The following RPF2 variants were observed in gnomAD, a reference collection of about 807,000 sequenced individuals.
RPF2 encodes ribosome production factor 2 homolog.
Under a neutral mutation model 38.9 loss-of-function variants are expected in RPF2, and 21 were observed. The ratio of observed to expected loss-of-function variants is 0.54; its 90% CI spans 0.38 to 0.78. The LOEUF (loss-of-function observed/expected upper bound fraction) is 0.78, where lower values mean the gene tolerates loss of function less well. RPF2 is among the 30% of genes least tolerant of loss of function. The pLI is 0.00. For synonymous variants in RPF2, 121 were observed against 126.2 expected, an observed-to-expected ratio of 0.96 and a Z score of 0.28; for missense variants, 314 against 358.1, an observed-to-expected ratio of 0.88 and a Z score of 0.99.
intron 8 of RPF2, among the ~76,000 whole-genome samples, chr6:111,016,991 G>A (rs571158207): frequency 1.0e-3 from 153 of 152,212 alleles, no homozygotes; most frequent in African/African-American, 3.4e-3. Context: ...AGAGAGCACC[G>A]GCTTGGGGGT....
At chr6:111,013,320 G>T (rs1181814234) in intron 7 of RPF2, among the ~76,000 whole-genome samples, 1 of 152,192 alleles carries the variant, frequency 6.6e-6, no homozygotes, top group African/African-American at 2.4e-5. Flanking sequence ...ACAATACTCT[G>T]TTGTGTTCTA....
intron 5 of RPF2, among the ~76,000 whole-genome samples, chr6:110,997,924 G>C (rs1771746201): frequency 6.7e-6 from 1 of 150,024 alleles, no homozygotes; most frequent in Admixed American, 6.7e-5. Flanking sequence ...TCCTGAGACG[G>C]AGTCTTGGTC....
chr6:110,992,307 G>T (rs984405445), intron 4 of RPF2, among the ~76,000 whole-genome samples: 1 of 151,244 alleles, frequency 6.6e-6, no homozygotes, highest in African/African-American at 2.4e-5. Flanking sequence ...TGAAACTCCG[G>T]CTCAAAAAAA....
At position 111,017,619 on chromosome 6, in the gene RPF2, G is replaced by T. The variant is rs1246651862; in HGVS notation, c.596+1763G>T. On this transcript the variant is annotated intron_variant, in intron 8 of 9. Transcript: ENST00000441448. ...GCGCTCCTCACATCCCAGACGGGGC[G>T]GCAGGGCAGAGGCGCTCCCCACATC... is the stretch of plus-strand genomic sequence containing the variant. Among the ~76,000 whole-genome samples the T allele has an allele frequency of 1.9e-3, 291 of 150,630 alleles. 1 individual carries two copies. The highest frequency in any genetic ancestry group is 6.9e-3 in the African/African-American group (280 of 40,862).
intron 7 of RPF2, among the ~76,000 whole-genome samples, chr6:111,015,200 G>A (rs115815034): frequency 0.016 from 2,478 of 152,210 alleles, 62 homozygotes; most frequent in African/African-American, 0.058. Context: ...ATGTGCCACC[G>A]GTGGTATGAT....
In RPF2 at chr6:111,007,744, A is replaced by C. The variant is rs555919994; in HGVS notation, c.394-294A>C. Among the ~76,000 whole-genome samples the C allele has an allele frequency of 2.0e-5, 3 of 152,200 alleles. No individual in the cohort carries two copies. The East Asian group carries it at 5.8e-4, about 29-fold the overall frequency. On this transcript the variant is annotated intron_variant, in intron 6 of 9. Coordinates refer to ENST00000441448, the MANE Select transcript of RPF2 (RefSeq NM_032194.3). The stretch of plus-strand genomic sequence containing the variant: ...CGGATCATTTGAGGTCAGGAGTTTG[A>C]GACCAGCCTAACCAGCATGATGAAA...
At position 111,012,162 on chromosome 6, in the gene RPF2, A is replaced by ATTTTTTTTT. The variant is rs570516659; in HGVS notation, c.494-3585_494-3577dup. Among the ~76,000 whole-genome samples, 9 of 115,656 alleles carry ATTTTTTTTT rather than the reference A, an allele frequency of 7.8e-5. 1 individual carries two copies. The East Asian group carries it at 1.2e-3, about 15-fold the overall frequency. 75.9% of individuals were successfully genotyped at this position (115,656 alleles called of 152,430 possible). A position where few individuals can be genotyped will look rare whatever the true frequency, so the allele number is the denominator to read the frequency against. ...TGTTCATTCTTAATTTGTTTACATC[A>ATTTTTTTTT]TTTTTTTTTTTTTTTCTTTTTTTGA... On this transcript the variant is annotated intron_variant, in intron 7 of 9. Coordinates refer to ENST00000441448, the MANE Select transcript of RPF2 (RefSeq NM_032194.3).
At chr6:111,014,864 C>T (rs1356905630) in intron 7 of RPF2, among the ~76,000 whole-genome samples, 1 of 152,152 alleles carries the variant, frequency 6.6e-6, no homozygotes, top group African/African-American at 2.4e-5. Flanking sequence ...TTTGCTCTGT[C>T]GTTCTCACTG....
At chr6:111,005,847 T>C (rs1259293723) in intron 6 of RPF2, among the ~76,000 whole-genome samples, 5 of 152,164 alleles carry the variant, frequency 3.3e-5, no homozygotes, top group African/African-American at 1.2e-4. Context: ...ACGGAGTCTC[T>C]GTCGCCCAGG....
chr6:111,023,538 G>T (rs1246816657), intron 8 of RPF2, among the ~76,000 whole-genome samples: 1 of 152,038 alleles, frequency 6.6e-6, no homozygotes, highest in Non-Finnish European at 1.5e-5. Flanking sequence ...TCATTTCTGA[G>T]AATAATTTTG....
chr6:111,006,907 C>G (rs13211214), intron 6 of RPF2, among the ~76,000 whole-genome samples: 1 of 152,146 alleles, frequency 6.6e-6, no homozygotes, highest in Non-Finnish European at 1.5e-5. Context: ...AACCCCATCT[C>G]TACTAAAAAT....
At chr6:110,982,245 G>T in intron 1 of RPF2, 116 bp downstream of exon 1, 1 of 1,209,962 alleles carries the variant, frequency 8.3e-7, no homozygotes, top group South Asian at 1.2e-5. Context: ...ACCTGGGTGG[G>T]GGCCGATCGA....
chr6:111,020,075 C>T (rs992941631), intron 8 of RPF2, among the ~76,000 whole-genome samples: 3 of 151,916 alleles, frequency 2.0e-5, no homozygotes, highest in Non-Finnish European at 2.9e-5. Context: ...CCACCACGCC[C>T]GGCTAATTTT....
chr6:111,007,710 T>C (rs1006221203), intron 6 of RPF2, among the ~76,000 whole-genome samples: 1 of 152,106 alleles, frequency 6.6e-6, no homozygotes, highest in Admixed American at 6.6e-5. Context: ...TTTGGGAGGC[T>C]GAGGCAGGCG....
chr6:110,983,892 C>T (rs77980727), intron 1 of RPF2, among the ~76,000 whole-genome samples: 1 of 151,728 alleles, frequency 6.6e-6, no homozygotes, highest in Non-Finnish European at 1.5e-5. Context: ...AGCCGGGCGT[C>T]GTGGCGGGCG....
intron 4 of RPF2, among the ~76,000 whole-genome samples, chr6:110,994,013 A>G (rs548198102): frequency 6.6e-6 from 1 of 152,316 alleles, no homozygotes; most frequent in East Asian, 1.9e-4. Context: ...ATGGTGGCTC[A>G]TGCCTGTAAT....
intron 8 of RPF2, among the ~76,000 whole-genome samples, chr6:111,019,745 A>G (rs1772196039): frequency 6.6e-6 from 1 of 152,176 alleles, no homozygotes; most frequent in Admixed American, 6.6e-5. Flanking sequence ...GTAATAAAAT[A>G]AAATAAAAAT....
At position 110,997,163 on chromosome 6, in the gene RPF2, G is replaced by T. The variant is rs139030895; in HGVS notation, c.235-20G>T. The stretch of plus-strand genomic sequence containing the variant: ...CTTAAATTTATGCATGGACTAAATG[G>T]GATTTATTTGGTTTTATAGGAATTC... On this transcript the variant is annotated intron_variant, in intron 4 of 9. Coordinates refer to ENST00000441448, the MANE Select transcript of RPF2 (RefSeq NM_032194.3). 7.0e-7 allele frequency: 1 copy of T among 1,425,916 alleles called. No individual in the cohort carries two copies. Among genetic ancestry groups the T allele is most frequent in the Non-Finnish European group, 9.9e-7 (1 of 1,013,548 alleles). 88.3% of individuals were successfully genotyped at this position (1,425,916 alleles called of 1,614,324 possible). A position where few individuals can be genotyped will look rare whatever the true frequency, so the allele number is the denominator to read the frequency against.
intron 1 of RPF2, 152 bp downstream of exon 1, chr6:110,982,281 C>A: frequency 1.2e-6 from 1 of 816,882 alleles, no homozygotes; most frequent in Non-Finnish European, 2.0e-6. Context: ...CTCCTCAGCG[C>A]GAGCTGCTTG....
Sources: allele counts gnomAD v4.1 joint callset (sites outside exome capture counted in the v4.1 genomes callset), GRCh38; gene constraint gnomAD v4.1.1; transcripts MANE v1.5; gene names NCBI Gene and HGNC (gene_info 2026-07-23, HGNC 2026-07-21).